Variants in ZSCAN5B observed in about 807,000 individuals in gnomAD.
ZSCAN5B encodes zinc finger and SCAN domain-containing protein 5B.
A neutral mutation model predicts 25.2 loss-of-function variants in ZSCAN5B; 26 were observed. That is an observed-to-expected ratio of 1.03 (90% CI 0.76 to 1.43). The LOEUF (loss-of-function observed/expected upper bound fraction) is 1.43. Among genes scored for constraint, ZSCAN5B ranks in the 40% most tolerant of loss-of-function variants. The pLI is 0.00. For synonymous variants in ZSCAN5B, 244 were observed against 240.9 expected, an observed-to-expected ratio of 1.01 and a Z score of -0.12; for missense variants, 745 against 622.1, an observed-to-expected ratio of 1.20 and a Z score of -2.10.
At chr19:56,196,515 G>A (rs1456835540) in intron 1 of ZSCAN5B, among the ~76,000 whole-genome samples, 1 of 152,188 alleles carries the variant, frequency 6.6e-6, no homozygotes, top group African/African-American at 2.4e-5. Context: ...TAGAGCCTAT[G>A]GCAGTTTGCT....
intron 2 of ZSCAN5B, among the ~76,000 whole-genome samples, chr19:56,192,447 T>C (rs1371266725): frequency 6.6e-6 from 1 of 152,202 alleles, no homozygotes; most frequent in African/African-American, 2.4e-5. Context: ...TTCAGTTCAC[T>C]CTAATGCCTC....
chr19:56,190,669 A>C lies in ZSCAN5B; in HGVS notation c.740-94T>G, dbSNP rs184720428. ...AACCAAACACTGACCTTGGCTGAGAACTTCCCCTCAACCTCAAGCCTAAGA... is the reference window on the plus strand; with the variant it reads ...AACCAAACACTGACCTTGGCTGAGACCTTCCCCTCAACCTCAAGCCTAAGA... On this transcript the variant is annotated intron_variant, in intron 4 of 4. Transcript: ENST00000586855. 7.1e-6 allele frequency: 11 copies of C among 1,554,988 alleles called. No homozygotes were observed. In the African/African-American group the frequency reaches 1.2e-4, roughly 17 times the overall value.
chr19:56,190,675 C>G (rs1414730402), intron 4 of ZSCAN5B, 100 bp from the exon 5 acceptor site: 13 of 1,551,924 alleles, frequency 8.4e-6, no homozygotes, highest in Admixed American at 2.0e-5. Context: ...GAGAACTTCC[C>G]CTCAACCTCA....
chr19:56,194,994 A>C (rs1005941577), intron 1 of ZSCAN5B, among the ~76,000 whole-genome samples: 1 of 152,184 alleles, frequency 6.6e-6, no homozygotes, highest in African/African-American at 2.4e-5. Flanking sequence ...ATTATCACCC[A>C]AGTTCAACAG....
At chr19:56,195,384 G>T (rs568993880) in intron 1 of ZSCAN5B, among the ~76,000 whole-genome samples, 1 of 152,066 alleles carries the variant, frequency 6.6e-6, no homozygotes. Context: ...TCTAGGAAAA[G>T]GTGCTCGTCA....
intron 1 of ZSCAN5B, among the ~76,000 whole-genome samples, chr19:56,197,469 C>T (rs2032824854): frequency 1.3e-5 from 2 of 152,152 alleles, no homozygotes; most frequent in Non-Finnish European, 2.9e-5. Flanking sequence ...AACTCCTGAT[C>T]CCGTGATCTG....
intron 1 of ZSCAN5B, among the ~76,000 whole-genome samples, chr19:56,196,137 T>G (rs1599941853): frequency 6.6e-6 from 1 of 152,180 alleles, no homozygotes; most frequent in East Asian, 1.9e-4. Flanking sequence ...CTGCCACCTC[T>G]GCCTCCCGGG....
At chr19:56,197,303 G>A (rs1243081940) in intron 1 of ZSCAN5B, among the ~76,000 whole-genome samples, 1 of 151,390 alleles carries the variant, frequency 6.6e-6, no homozygotes, top group Non-Finnish European at 1.5e-5. Flanking sequence ...CTCCCGAATA[G>A]CGGGTATTAC....
At chr19:56,191,803 G>C (rs747403791) in intron 3 of ZSCAN5B, 47 bp downstream of exon 3, 1 of 1,592,988 alleles carries the variant, frequency 6.3e-7, no homozygotes, top group Non-Finnish European at 8.6e-7. Context: ...ATTTCCTCCT[G>C]TTCCTTCTCC....
intron 3 of ZSCAN5B, among the ~76,000 whole-genome samples, chr19:56,191,366 C>T (rs1026625364): frequency 3.3e-5 from 5 of 152,212 alleles, no homozygotes; most frequent in Admixed American, 6.5e-5. Context: ...CGCCTCCACC[C>T]TCTAGATGCT....
At chr19:56,190,605 A>T in intron 4 of ZSCAN5B, 30 bp from the exon 5 acceptor site, 1 of 1,597,966 alleles carries the variant, frequency 6.3e-7, no homozygotes, top group Non-Finnish European at 8.5e-7. Flanking sequence ...CACACACAAC[A>T]GTTAACAAAG....
chr19:56,192,975 C>T, exon 2 of ZSCAN5B: 5 of 1,609,770 alleles, frequency 3.1e-6, no homozygotes, highest in Non-Finnish European at 4.2e-6. Context: ...CTGGGGACGC[C>T]ACAGACCGTG....
chr19:56,190,270 C>T (rs780897554), exon 5 of ZSCAN5B: 1 of 1,614,094 alleles, frequency 6.2e-7, no homozygotes, highest in Non-Finnish European at 8.5e-7. Context: ...AGGGCCTTGG[C>T]TTCTTGGCCA....
chr19:56,191,441 C>T (rs1277912363), intron 3 of ZSCAN5B, among the ~76,000 whole-genome samples: 1 of 152,164 alleles, frequency 6.6e-6, no homozygotes, highest in African/African-American at 2.4e-5. Context: ...CAAATGTGTC[C>T]TTAAAGGCAA....
chr19:56,193,691 G>A (rs188630801), intron 1 of ZSCAN5B, among the ~76,000 whole-genome samples: 36 of 152,280 alleles, frequency 2.4e-4, no homozygotes, highest in African/African-American at 7.5e-4. Context: ...GGCCGGGCGC[G>A]GTGGCCCAGG....
At chr19:56,197,704 AC>A in intron 1 of ZSCAN5B, 29 bp downstream of exon 1, 2 of 982,802 alleles carry the variant, frequency 2.0e-6, no homozygotes, top group Non-Finnish European at 2.4e-6. Context: ...CAGCTCCGAA[AC>A]CCCACAGCCA....
At chr19:56,190,059 C>A (rs201951462) in exon 5 of ZSCAN5B, 40 of 1,613,808 alleles carry the variant, frequency 2.5e-5, no homozygotes, top group Middle Eastern at 3.3e-4. Context: ...GTGGGCGAAC[C>A]GCTTTTGGCA....
exon 5 of ZSCAN5B, chr19:56,190,127 T>C (rs778100064): frequency 1.2e-6 from 2 of 1,613,918 alleles, no homozygotes; most frequent in Non-Finnish European, 1.7e-6. Context: ...CTCGGAGGTC[T>C]GAGGGCTGCA....
At position 56,190,262 on chromosome 19, in the gene ZSCAN5B, G is replaced by T. The variant is rs150688455; in HGVS notation, c.1053C>A (p.Ala351=). 1,459 of 1,613,908 alleles carry T rather than the reference G, an allele frequency of 9.0e-4. 7 individuals are homozygous for T. The African/African-American group carries it at 0.014, about 15-fold the overall frequency. Residue 351 remains alanine (A), a synonymous_variant, in exon 5 of 5, where the codon GCC becomes GCA. Coordinates refer to ENST00000586855, the Ensembl canonical transcript of ZSCAN5B. ...ACACGTCACATGCAAAGGGCGGCAG[G>T]GCCTTGGCTTCTTGGCCATCTGGGT... is the stretch of plus-strand genomic sequence containing the variant.
Sources: allele counts gnomAD v4.1 joint callset (sites outside exome capture counted in the v4.1 genomes callset), GRCh38; gene constraint gnomAD v4.1.1; transcripts MANE v1.5; gene names NCBI Gene and HGNC (gene_info 2026-07-23, HGNC 2026-07-21).